The following SESN1 variants were observed in gnomAD, a reference collection of about 807,000 sequenced individuals.
SESN1 encodes the protein sestrin-1.
Under a neutral mutation model 59.3 loss-of-function variants are expected in SESN1, and 30 were observed. That is an observed-to-expected ratio of 0.51 (90% CI 0.38 to 0.69). The LOEUF is 0.69. SESN1 is among the 30% of genes least tolerant of loss of function. The pLI, the probability that SESN1 is intolerant of heterozygous loss-of-function variation, is 0.00. For missense variants in SESN1, 566 were observed against 673.0 expected, an observed-to-expected ratio of 0.84 and a Z score of 1.76; for synonymous variants, 197 against 219.9, an observed-to-expected ratio of 0.90 and a Z score of 0.92.
At chr6:109,039,545 T>G (rs546513387) in intron 1 of SESN1, among the ~76,000 whole-genome samples, 1 of 152,232 alleles carries the variant, frequency 6.6e-6, no homozygotes, top group Non-Finnish European at 1.5e-5. Flanking sequence ...TACTGAGTAC[T>G]GCCAGCAAGC....
At chr6:109,007,125 T>C (rs954057551) in intron 1 of SESN1, among the ~76,000 whole-genome samples, 1 of 152,190 alleles carries the variant, frequency 6.6e-6, no homozygotes, top group African/African-American at 2.4e-5. Context: ...GTTTCCACCA[T>C]CACAATATTA....
rs756502932 is a variant in SESN1, at chr6:108,998,565, T to C, written c.920A>G (p.Asn307Ser). 6.2e-6 allele frequency: 10 copies of C among 1,613,842 alleles called. No individual in the cohort carries two copies. Among genetic ancestry groups the C allele is most frequent in the Non-Finnish European group, 7.6e-6 (9 of 1,179,828 alleles). The change falls in exon 5 of 10, where the codon AAT (asparagine) becomes AGT (serine). Residue 307 changes from asparagine (N) to serine (S), a missense_variant. By Grantham distance (46) the Asn-to-Ser change is conservative. Transcript: ENST00000436639. ...VSNYCICDIT[N>S]GNHSVDEMPV... is the part of the protein sequence containing the mutation. ...CATCTCATCCACACTGTGATTGCCA[T>C]TTGTAATGTCACAGATGCAGTAGTT...
intron 1 of SESN1, among the ~76,000 whole-genome samples, chr6:109,053,356 T>C (rs1038620075): frequency 2.0e-5 from 3 of 152,150 alleles, no homozygotes; most frequent in African/African-American, 7.2e-5. Flanking sequence ...ACAGAGCGCT[T>C]AAGTCATATG....
At chr6:109,048,861 T>A (rs1036181760) in intron 1 of SESN1, among the ~76,000 whole-genome samples, 4 of 152,218 alleles carry the variant, frequency 2.6e-5, no homozygotes, top group African/African-American at 9.7e-5. Flanking sequence ...TATCACAGGC[T>A]GTAATCCTAC....
chr6:109,044,127 C>T (rs1415159198), intron 1 of SESN1, among the ~76,000 whole-genome samples: 1 of 151,476 alleles, frequency 6.6e-6, no homozygotes, highest in East Asian at 1.9e-4. Context: ...CCAGCCGAAG[C>T]AACACAGGGA....
At chr6:109,077,709 T>C (rs1201163499) in intron 1 of SESN1, among the ~76,000 whole-genome samples, 4 of 152,130 alleles carry the variant, frequency 2.6e-5, no homozygotes, top group Admixed American at 2.6e-4. Context: ...CCTAGGAGCT[T>C]CCCGTTTCCT....
At chr6:109,087,723 C>A (rs899887727) in intron 1 of SESN1, among the ~76,000 whole-genome samples, 3 of 152,136 alleles carry the variant, frequency 2.0e-5, no homozygotes, top group African/African-American at 4.8e-5. Context: ...ACAAAACAAT[C>A]ATTTAAAAAG....
At chr6:109,035,759 C>A (rs1428952969) in intron 1 of SESN1, among the ~76,000 whole-genome samples, 2 of 152,112 alleles carry the variant, frequency 1.3e-5, no homozygotes, top group African/African-American at 2.4e-5. Flanking sequence ...TGCCACCACA[C>A]CCAGCTAATT....
At chr6:109,086,897 G>A (rs1781221682) in intron 1 of SESN1, among the ~76,000 whole-genome samples, 1 of 152,152 alleles carries the variant, frequency 6.6e-6, no homozygotes, top group Non-Finnish European at 1.5e-5. Flanking sequence ...ACTTTGGGAG[G>A]CCGAGATGGG....
intron 1 of SESN1, among the ~76,000 whole-genome samples, chr6:109,042,367 A>G (rs1286151074): frequency 2.0e-5 from 3 of 151,960 alleles, no homozygotes; most frequent in Non-Finnish European, 2.9e-5. Context: ...ACATCAATGA[A>G]TTTGAAAACA....
rs766823032 is a variant in SESN1, at chr6:109,066,312, CT to C, written c.279+27482del. ...TTTAAATCACGAAGGTTTGCTGTTT[CT>C]TTTTTTTTTTTTTTAAAGTCACTAT... On this transcript the variant is annotated intron_variant, in intron 1 of 9. Transcript: ENST00000436639. Among the ~76,000 whole-genome samples, 811 of 134,282 alleles carry C rather than the reference CT, an allele frequency of 6.0e-3. 1 individual carries two copies. The highest frequency in any genetic ancestry group is 7.8e-3 in the Middle Eastern group (2 of 258). The allele number at this position is 134,282 out of a possible 152,430, so 88.1% of individuals were successfully genotyped here.
chr6:109,011,548 C>G (rs1230379144), intron 1 of SESN1, among the ~76,000 whole-genome samples: 1 of 152,032 alleles, frequency 6.6e-6, no homozygotes, highest in Non-Finnish European at 1.5e-5. Context: ...ATTAGTCACT[C>G]TATTCTCCAA....
chr6:109,030,195 T>C (rs532400882), intron 1 of SESN1, among the ~76,000 whole-genome samples: 1 of 152,300 alleles, frequency 6.6e-6, no homozygotes, highest in South Asian at 2.1e-4. Context: ...ATCAGCACTT[T>C]AGTACATAAC....
intron 7 of SESN1, among the ~76,000 whole-genome samples, chr6:108,991,221 A>G (rs933162948): frequency 6.8e-6 from 1 of 147,428 alleles, no homozygotes; most frequent in African/African-American, 2.6e-5. Context: ...GTGGTCTTCA[A>G]ATTATGAGTG....
rs917333007 is a variant in SESN1 at position 109,044,967 on chromosome 6, G to A, written c.280-42624C>T. Among the ~76,000 whole-genome samples, 44 of 151,808 alleles carry A rather than the reference G, an allele frequency of 2.9e-4. 1 individual carries two copies. Among genetic ancestry groups the A allele is most frequent in the Non-Finnish European group, 5.6e-4 (38 of 67,950 alleles). On this transcript the variant is annotated intron_variant, in intron 1 of 9. Transcript: ENST00000436639. ...GAACCCAGGAGGTAGAGGTTGCGGTGAGCTGAGATTGCGCCACTGCACTCC... is the reference window on the plus strand; with the variant it reads ...GAACCCAGGAGGTAGAGGTTGCGGTAAGCTGAGATTGCGCCACTGCACTCC...
intron 1 of SESN1, among the ~76,000 whole-genome samples, chr6:109,069,527 C>T (rs556973135): frequency 8.6e-5 from 13 of 152,002 alleles, no homozygotes; most frequent in East Asian, 1.9e-4. Flanking sequence ...GGCCAGAAAA[C>T]TTAATTCCCA....
In SESN1 at chr6:109,041,325, A is replaced by T. The variant is rs190005905; in HGVS notation, c.280-38982T>A. On this transcript the variant is annotated intron_variant, in intron 1 of 9. Coordinates refer to ENST00000436639, the MANE Select transcript of SESN1 (RefSeq NM_014454.3). ...TCAAAAACTAAATAAATAATAATTT[A>T]AAAAAATAAAATAAAATTGCAACAT... 4.4e-3 allele frequency among the ~76,000 whole-genome samples: 664 copies of T among 152,126 alleles called. 3 individuals are homozygous for T. The highest frequency in any genetic ancestry group is 0.013 in the South Asian group (65 of 4,820).
chr6:109,019,115 G>T (rs1459358494), intron 1 of SESN1, among the ~76,000 whole-genome samples: 1 of 152,050 alleles, frequency 6.6e-6, no homozygotes, highest in East Asian at 1.9e-4. Flanking sequence ...TACAGTTTTA[G>T]ATACTATATA....
chr6:109,065,240 T>C (rs1165409392), intron 1 of SESN1, among the ~76,000 whole-genome samples: 5 of 151,296 alleles, frequency 3.3e-5, no homozygotes, highest in East Asian at 1.9e-4. Context: ...TCACTATCAG[T>C]GTTCTTATAG....
Sources: allele counts gnomAD v4.1 joint callset (sites outside exome capture counted in the v4.1 genomes callset), GRCh38; gene constraint gnomAD v4.1.1; transcripts MANE v1.5; gene names NCBI Gene and HGNC (gene_info 2026-07-23, HGNC 2026-07-21).